NAV2: variants seen among roughly 807,000 people sequenced by gnomAD.
NAV2 encodes helicase, APC down-regulated 1.
A neutral mutation model predicts 223.2 loss-of-function variants in NAV2; 54 were observed. The observed-to-expected ratio is 0.24, with a 90% CI of 0.19 to 0.30. The LOEUF is 0.30. Ranked by LOEUF, NAV2 falls within the 10% of genes least tolerant of loss-of-function variation. NAV2 has a pLI of 1.00. For synonymous variants in NAV2, 1,279 were observed against 1,239.3 expected (o/e 1.03, Z -0.67); for missense variants, 2,806 against 3,147.5 (o/e 0.89, Z 2.60).
At chr11:19,859,990 G>A (rs1232280547) in intron 3 of NAV2, among the ~76,000 whole-genome samples, 5 of 121,520 alleles carry the variant, frequency 4.1e-5, no homozygotes, top group African/African-American at 1.3e-4. Flanking sequence ...CTGGCCAGGC[G>A]GGGGGCTGAC....
chr11:20,076,856 T>A (rs985014006), intron 22 of NAV2, among the ~76,000 whole-genome samples: 3 of 152,218 alleles, frequency 2.0e-5, no homozygotes, highest in African/African-American at 7.2e-5. Flanking sequence ...TAATGGTACA[T>A]CTTATGTCAT....
chr11:19,590,647 C>G (rs974191595), intron 1 of NAV2, among the ~76,000 whole-genome samples: 9 of 152,100 alleles, frequency 5.9e-5, no homozygotes, highest in Non-Finnish European at 1.2e-4. Flanking sequence ...CCCTGGGGGA[C>G]AGTGTGGTAA....
intron 1 of NAV2, among the ~76,000 whole-genome samples, chr11:19,362,742 T>C (rs1854028766): frequency 6.6e-6 from 1 of 152,178 alleles, no homozygotes; most frequent in East Asian, 1.9e-4. Flanking sequence ...TGTGCCTCAG[T>C]TTCTTCATCT....
chr11:19,897,288 C>G (rs565284934), intron 6 of NAV2, among the ~76,000 whole-genome samples: 2 of 151,952 alleles, frequency 1.3e-5, no homozygotes, highest in African/African-American at 2.4e-5. Context: ...TGTTAAATGA[C>G]GAGTTACTGG....
intron 5 of NAV2, among the ~76,000 whole-genome samples, chr11:19,887,972 C>T (rs1368793715): frequency 4.0e-5 from 6 of 150,370 alleles, no homozygotes; most frequent in East Asian, 1.9e-4. Context: ...GCCATCAGCA[C>T]GTACATCGCG....
intron 1 of NAV2, among the ~76,000 whole-genome samples, chr11:19,740,583 A>AAATAAT (rs1404986325): frequency 6.6e-6 from 1 of 152,210 alleles, no homozygotes; most frequent in African/African-American, 2.4e-5. Context: ...ATAAAAATAA[A>AAATAAT]AATAAAAAGA....
chr11:19,498,718 A>G (rs2042875049), intron 1 of NAV2, among the ~76,000 whole-genome samples: 1 of 152,084 alleles, frequency 6.6e-6, no homozygotes, highest in African/African-American at 2.4e-5. Context: ...ATATTTACTT[A>G]CTCAAATATT....
chr11:19,723,723 T>TC (rs1213294671), intron 1 of NAV2, among the ~76,000 whole-genome samples: 1 of 152,176 alleles, frequency 6.6e-6, no homozygotes, highest in African/African-American at 2.4e-5. Flanking sequence ...GTGGCTGCTG[T>TC]CCCCCAGGTG....
intron 1 of NAV2, among the ~76,000 whole-genome samples, chr11:19,607,447 C>T (rs967608243): frequency 2.0e-5 from 3 of 152,196 alleles, no homozygotes; most frequent in Non-Finnish European, 2.9e-5. Flanking sequence ...CTAAGTGGAG[C>T]TAGGATAGCT....
chr11:19,782,121 T>A (rs2056796605), intron 1 of NAV2, among the ~76,000 whole-genome samples: 1 of 152,232 alleles, frequency 6.6e-6, no homozygotes, highest in Non-Finnish European at 1.5e-5. Context: ...TGAAGTCATG[T>A]CCATTTTCTA....
intron 5 of NAV2, among the ~76,000 whole-genome samples, chr11:19,885,279 C>A (rs954127151): frequency 1.3e-5 from 2 of 152,162 alleles, no homozygotes; most frequent in African/African-American, 2.4e-5. Context: ...ATGGACGAAC[C>A]AGGATTTGAA....
At chr11:20,016,842 A>AAC (rs2054049719) in intron 11 of NAV2, among the ~76,000 whole-genome samples, 1 of 6,828 alleles carries the variant, frequency 1.5e-4, no homozygotes, top group African/African-American at 2.6e-4. Flanking sequence ...AAAATACAAA[A>AAC]AAAAAAAAAA....
At chr11:19,725,417 G>T (rs781338682) in intron 1 of NAV2, among the ~76,000 whole-genome samples, 1 of 152,168 alleles carries the variant, frequency 6.6e-6, no homozygotes. Context: ...CTTGTTTAAG[G>T]TCCCCCAGCA....
At chr11:19,393,651 T>C (rs925351724) in intron 1 of NAV2, among the ~76,000 whole-genome samples, 2 of 152,230 alleles carry the variant, frequency 1.3e-5, no homozygotes, top group African/African-American at 4.8e-5. Flanking sequence ...TTAAAATTTA[T>C]TTTTCCTCCT....
chr11:19,558,445 C>T (rs1293560278), intron 1 of NAV2, among the ~76,000 whole-genome samples: 1 of 152,206 alleles, frequency 6.6e-6, no homozygotes, highest in Non-Finnish European at 1.5e-5. Flanking sequence ...CCCCTACTCA[C>T]CTCAATAGGG....
chr11:19,769,461 A>G (rs1246954472), intron 1 of NAV2, among the ~76,000 whole-genome samples: 1 of 152,176 alleles, frequency 6.6e-6, no homozygotes, highest in African/African-American at 2.4e-5. Flanking sequence ...ATAGAGGGTG[A>G]TTGCAGATAC....
chr11:19,984,457 G>T (rs2050584920), intron 11 of NAV2, among the ~76,000 whole-genome samples: 1 of 152,138 alleles, frequency 6.6e-6, no homozygotes, highest in African/African-American at 2.4e-5. Flanking sequence ...TGTGTAGGGT[G>T]GTGCTTCTGA....
upstream of NAV2, among the ~76,000 whole-genome samples, chr11:19,710,516 T>C (rs1228336014): frequency 6.6e-6 from 1 of 152,262 alleles, no homozygotes; most frequent in Non-Finnish European, 1.5e-5. Context: ...TTGAACACTG[T>C]TGAAACACAG....
chr11:20,053,999 T>G (rs2058199277), intron 17 of NAV2, 81 bp from the exon 18 acceptor site: 1 of 1,367,462 alleles, frequency 7.3e-7, no homozygotes, highest in African/African-American at 1.5e-5. Flanking sequence ...TTTCTTTTTA[T>G]ATATTTACCA....
Sources: gnomAD v4.1 joint callset for allele counts (sites outside exome capture counted in the v4.1 genomes callset) on GRCh38, gnomAD v4.1.1 for gene constraint, MANE v1.5 for transcripts, NCBI Gene and HGNC (gene_info 2026-07-23, HGNC 2026-07-21) for gene names.